SLX4IP: variants seen among roughly 807,000 people sequenced by gnomAD.
SLX4IP encodes the protein SLX4 interacting protein.
SLX4IP carries 34 observed loss-of-function variants against 32.9 expected under a neutral mutation model. The ratio of observed to expected loss-of-function variants is 1.03; its 90% CI spans 0.79 to 1.38. The LOEUF is 1.38. Ranked by LOEUF, SLX4IP falls within the 40% of genes most tolerant of loss-of-function variation. The pLI is 0.00. For missense variants in SLX4IP, 444 were observed against 479.0 expected (o/e 0.93, Z 0.68); for synonymous variants, 172 against 171.7 (o/e 1.00, Z -0.01).
chr20:10,529,614 AT>A (rs1276718043), intron 2 of SLX4IP, among the ~76,000 whole-genome samples: 1 of 150,422 alleles, frequency 6.6e-6, no homozygotes, highest in South Asian at 2.1e-4. Flanking sequence ...AAAAAAAAAA[AT>A]GATTCTGATT....
chr20:10,537,862 T>C (rs1329681518), intron 2 of SLX4IP, among the ~76,000 whole-genome samples: 1 of 152,226 alleles, frequency 6.6e-6, no homozygotes, highest in Non-Finnish European at 1.5e-5. Context: ...ATTTTTTAGA[T>C]GTTGTCTGTT....
At chr20:10,556,408 T>C (rs2122497009) in intron 3 of SLX4IP, 88 bp downstream of exon 3, 1 of 1,320,580 alleles carries the variant, frequency 7.6e-7, no homozygotes, top group South Asian at 1.3e-5. Flanking sequence ...TTTCTGTTAG[T>C]GGGAAAAAAA....
At chr20:10,509,456 C>T (rs2065787198) in intron 2 of SLX4IP, among the ~76,000 whole-genome samples, 1 of 152,164 alleles carries the variant, frequency 6.6e-6, no homozygotes, top group South Asian at 2.1e-4. Flanking sequence ...TTATCTGAAC[C>T]AGTAAGTTGG....
intron 6 of SLX4IP, among the ~76,000 whole-genome samples, chr20:10,602,451 A>G (rs567759331): frequency 6.6e-6 from 1 of 152,256 alleles, no homozygotes; most frequent in South Asian, 2.1e-4. Flanking sequence ...ATTGCAGCTG[A>G]CTGCTTTGTC....
chr20:10,623,707 G>A lies in SLX4IP; in HGVS notation c.*328G>A. On this transcript the variant is annotated 3_prime_UTR_variant, in exon 8 of 8. Coordinates refer to ENST00000334534, the MANE Select transcript of SLX4IP (RefSeq NM_001009608.3). Reference sequence around the variant, plus strand: ...GAAACTGATCATGAGCCCCTTCTTGGCACATCACTGTGCAGACCACACAAT... The same window carrying A: ...GAAACTGATCATGAGCCCCTTCTTGACACATCACTGTGCAGACCACACAAT... The A allele has an allele frequency of 3.1e-6, 1 of 326,626 alleles. No homozygotes were observed. Among genetic ancestry groups the A allele is most frequent in the East Asian group, 6.6e-5 (1 of 15,154 alleles). The allele number at this position is 326,626 out of a possible 1,614,324, so 20.2% of individuals were successfully genotyped here.
intron 2 of SLX4IP, among the ~76,000 whole-genome samples, chr20:10,477,158 G>A (rs2065481802): frequency 7.0e-6 from 1 of 143,208 alleles, no homozygotes; most frequent in African/African-American, 2.6e-5. Flanking sequence ...ACCTGACTGT[G>A]AAGGGAATTC....
At chr20:10,438,882 T>A (rs754014581) in intron 1 of SLX4IP, among the ~76,000 whole-genome samples, 1 of 151,912 alleles carries the variant, frequency 6.6e-6, no homozygotes, top group Non-Finnish European at 1.5e-5. Context: ...TTTTAATTTT[T>A]ATTTTGTTTT....
intron 2 of SLX4IP, among the ~76,000 whole-genome samples, chr20:10,518,467 CCTTT>C (rs1568720174): frequency 0.015 from 683 of 44,656 alleles, 6 homozygotes; most frequent in South Asian, 0.034. Flanking sequence ...TCCTTCCTTT[CCTTT>C]CTTTTCCTTT....
chr20:10,452,614 T>C (rs2065250010), intron 1 of SLX4IP, among the ~76,000 whole-genome samples: 1 of 146,838 alleles, frequency 6.8e-6, no homozygotes, highest in African/African-American at 2.5e-5. Flanking sequence ...TGCAGTGAGC[T>C]GAGATCACGC....
chr20:10,583,598 G>C (rs576781282), intron 4 of SLX4IP, among the ~76,000 whole-genome samples: 2 of 152,268 alleles, frequency 1.3e-5, no homozygotes, highest in East Asian at 3.9e-4. Flanking sequence ...TGGATTGGTG[G>C]TTTGAGCCAC....
At chr20:10,613,762 A>T in intron 6 of SLX4IP, 1 of 1,613,536 alleles carries the variant, frequency 6.2e-7, no homozygotes, top group Non-Finnish European at 8.5e-7. Context: ...TCCTCTGTGT[A>T]CTGCACGCAA....
At chr20:10,596,794 A>G (rs2066775972) in intron 4 of SLX4IP, among the ~76,000 whole-genome samples, 1 of 152,212 alleles carries the variant, frequency 6.6e-6, no homozygotes. Flanking sequence ...AAATAAACAG[A>G]TGTAGAAATG....
chr20:10,546,138 T>C (rs1246851528), intron 2 of SLX4IP, among the ~76,000 whole-genome samples: 4 of 152,206 alleles, frequency 2.6e-5, no homozygotes, highest in Non-Finnish European at 5.9e-5. Context: ...GATGCCATAA[T>C]TGATCCAGAA....
intron 2 of SLX4IP, among the ~76,000 whole-genome samples, chr20:10,528,535 A>G (rs1400855581): frequency 6.6e-6 from 1 of 152,238 alleles, no homozygotes; most frequent in South Asian, 2.1e-4. Context: ...GTGGAAGTTA[A>G]GCTTCACTGG....
chr20:10,446,625 C>A (rs1295162700), intron 1 of SLX4IP, among the ~76,000 whole-genome samples: 2 of 152,174 alleles, frequency 1.3e-5, no homozygotes, highest in African/African-American at 2.4e-5. Flanking sequence ...TGCACCCTCA[C>A]CAGCATTTGG....
chr20:10,497,636 T>C (rs1021060903), intron 2 of SLX4IP, among the ~76,000 whole-genome samples: 2 of 152,186 alleles, frequency 1.3e-5, no homozygotes, highest in Non-Finnish European at 2.9e-5. Flanking sequence ...AATTTCTTAC[T>C]CATTTTAATG....
chr20:10,556,215 C>A lies in SLX4IP; in HGVS notation c.28-16C>A. On this transcript the variant is annotated splice_polypyrimidine_tract_variant and intron_variant, in intron 2 of 7. Coordinates refer to ENST00000334534, the MANE Select transcript of SLX4IP (RefSeq NM_001009608.3). ...TGAGCCGCACAGACACTGACTCTGC[C>A]ATTAATGTCTTTCAGTGTGGGAATT... The A allele has an allele frequency of 6.2e-7, 1 of 1,608,854 alleles. No individual in the cohort carries two copies. Among genetic ancestry groups the A allele is most frequent in the South Asian group, 1.1e-5 (1 of 90,304 alleles).
chr20:10,493,506 G>A (rs1292636245), intron 2 of SLX4IP, among the ~76,000 whole-genome samples: 1 of 152,012 alleles, frequency 6.6e-6, no homozygotes, highest in African/African-American at 2.4e-5. Flanking sequence ...AATATTTTAT[G>A]TATAGTCAAC....
intron 2 of SLX4IP, among the ~76,000 whole-genome samples, chr20:10,532,734 T>C (rs1015334996): frequency 4.0e-5 from 6 of 151,814 alleles, no homozygotes; most frequent in African/African-American, 1.2e-4. Flanking sequence ...TCATACTGAA[T>C]AGAAAAGCTG....
Sources: allele counts gnomAD v4.1 joint callset (sites outside exome capture counted in the v4.1 genomes callset), GRCh38; gene constraint gnomAD v4.1.1; transcripts MANE v1.5; gene names NCBI Gene and HGNC (gene_info 2026-07-23, HGNC 2026-07-21).